Variants in NCOA3 observed in about 807,000 individuals in gnomAD.
The protein encoded by NCOA3 is nuclear receptor coactivator 3, also known as CBP-interacting protein.
In NCOA3, 51 loss-of-function variants were observed where a neutral mutation model predicts 158.8. The observed-to-expected ratio is 0.32, with a 90% CI of 0.26 to 0.41. NCOA3 has a LOEUF of 0.41. Among genes scored for constraint, NCOA3 ranks in the 10% least tolerant of loss-of-function variants. The pLI is 1.00. For missense variants in NCOA3, 1,510 were observed against 1,746.6 expected, an observed-to-expected ratio of 0.86 and a Z score of 2.41; for synonymous variants, 537 against 592.4, an observed-to-expected ratio of 0.91 and a Z score of 1.36.
At chr20:47,631,034 C>G (rs1283051430) in intron 8 of NCOA3, 5 of 152,220 alleles carry the variant, frequency 3.3e-5, no homozygotes, top group Non-Finnish European at 7.3e-5. Context: ...TATTTTGTCA[C>G]AGAAAAGATT....
At chr20:47,505,667 G>A (rs1432735364) in intron 1 of NCOA3, among the ~76,000 whole-genome samples, 1 of 151,986 alleles carries the variant, frequency 6.6e-6, no homozygotes, top group African/African-American at 2.4e-5. Flanking sequence ...AATTAGTATT[G>A]GAAATGTATG....
rs1387775662 is a variant in NCOA3 at position 47,652,571 on chromosome 20, C to T, written c.4112C>T (p.Ala1371Val). ...EMKGWPSGNL[A>V]RNSSFSQQQF... The stretch of plus-strand genomic sequence containing the variant: ...AAGGGCTGGCCATCAGGAAATTTGG[C>T]CAGGAACAGGTAAAGAACAGTGACT... Residue 1371 changes from alanine (A) to valine (V), a missense_variant, in exon 21 of 23, where the codon GCC (alanine) becomes GTC (valine). Ala to Val is a moderately conservative substitution (Grantham distance 64). Transcript: ENST00000371998. 1.9e-6 allele frequency: 3 copies of T among 1,607,314 alleles called. No homozygotes were observed. In the Admixed American group the frequency reaches 5.0e-5, roughly 27 times the overall value.
At position 47,653,550 on chromosome 20, in the gene NCOA3, T is replaced by A; in HGVS notation, c.*133T>A. 2 of 1,063,234 alleles carry A rather than the reference T, an allele frequency of 1.9e-6. No homozygotes were observed. The highest frequency in any genetic ancestry group is 2.8e-6 in the Non-Finnish European group (2 of 710,696). 65.9% of individuals were successfully genotyped at this position (1,063,234 alleles called of 1,614,324 possible). A position where few individuals can be genotyped will look rare whatever the true frequency, so the allele number is the denominator to read the frequency against. On this transcript the variant is annotated 3_prime_UTR_variant, in exon 23 of 23. Transcript: ENST00000371998. Reference sequence around the variant, plus strand: ...AGCTTTGAGCTCCATCAAGGGTATTTTAAGTGATGTCATTTGAGCAGGACT... The same window carrying A: ...AGCTTTGAGCTCCATCAAGGGTATTATAAGTGATGTCATTTGAGCAGGACT...
Position 47,653,562 on chromosome 20 carries a change from A to G in NCOA3, c.*145A>G. The stretch of plus-strand genomic sequence containing the variant: ...CATCAAGGGTATTTTAAGTGATGTC[A>G]TTTGAGCAGGACTGGATTTTAAGCC... On this transcript the variant is annotated 3_prime_UTR_variant, in exon 23 of 23. Coordinates refer to ENST00000371998, the MANE Select transcript of NCOA3 (RefSeq NM_181659.3). 3 of 974,188 alleles carry G rather than the reference A, an allele frequency of 3.1e-6. No homozygotes were observed. Among genetic ancestry groups the G allele is most frequent in the Non-Finnish European group, 3.2e-6 (2 of 634,284 alleles). 60.3% of individuals were successfully genotyped at this position (974,188 alleles called of 1,614,324 possible).
intron 9 of NCOA3, 76 bp from the exon 10 acceptor site, chr20:47,633,972 T>C: frequency 6.5e-7 from 1 of 1,529,024 alleles, no homozygotes; most frequent in Non-Finnish European, 8.9e-7. Flanking sequence ...TTGAAGTATA[T>C]TTCCTCCCTG....
In NCOA3 at chr20:47,544,143, T is replaced by C. The variant is rs185959726; in HGVS notation, c.-98-39040T>C. On this transcript the variant is annotated intron_variant, in intron 1 of 22. Coordinates refer to ENST00000371998, the MANE Select transcript of NCOA3 (RefSeq NM_181659.3). ...AATACTGTTAACTAAGTAGCAGATA[T>C]TGTCAAATTTCCACTCTTGTGTTTT... is the stretch of plus-strand genomic sequence containing the variant. Among the ~76,000 whole-genome samples the C allele has an allele frequency of 5.3e-4, 81 of 152,158 alleles. 1 individual carries two copies. In the South Asian group the frequency reaches 6.6e-3, roughly 12 times the overall value.
intron 1 of NCOA3, among the ~76,000 whole-genome samples, chr20:47,579,353 C>T (rs2085417946): frequency 6.6e-6 from 1 of 152,196 alleles, no homozygotes; most frequent in African/African-American, 2.4e-5. Flanking sequence ...GTTACCTTCT[C>T]AGATGTCTAA....
At chr20:47,598,226 G>A (rs1198519988) in intron 2 of NCOA3, among the ~76,000 whole-genome samples, 5 of 123,080 alleles carry the variant, frequency 4.1e-5, no homozygotes, top group Admixed American at 9.6e-5. Context: ...CAGCCTGGGC[G>A]ATAGGGCGAG....
chr20:47,573,837 C>A (rs576450675), intron 1 of NCOA3, among the ~76,000 whole-genome samples: 7 of 152,316 alleles, frequency 4.6e-5, no homozygotes, highest in Non-Finnish European at 8.8e-5. Context: ...AATTCAGGGA[C>A]TTCTCACAGT....
chr20:47,638,540 G>C (rs12480335), intron 13 of NCOA3, among the ~76,000 whole-genome samples: 2 of 151,630 alleles, frequency 1.3e-5, no homozygotes, highest in Non-Finnish European at 2.9e-5. Flanking sequence ...AATTAAGAGT[G>C]GGGGGGAAAA....
At chr20:47,554,671 A>G (rs1226241157) in intron 1 of NCOA3, among the ~76,000 whole-genome samples, 7 of 152,084 alleles carry the variant, frequency 4.6e-5, no homozygotes, top group African/African-American at 1.7e-4. Context: ...GACCTCTTCA[A>G]GGAGAGCTAC....
At position 47,648,872 on chromosome 20, in the gene NCOA3, C is replaced by T. The variant is rs924404490; in HGVS notation, c.3547-133C>T. On this transcript the variant is annotated intron_variant, in intron 18 of 22. Coordinates refer to ENST00000371998, the MANE Select transcript of NCOA3 (RefSeq NM_181659.3). ...TTTTTGCAGTGTGAAAGTACTGGTT[C>T]AGTTTAGACGTGACTTAGCCAGGTT... The T allele has an allele frequency of 5.2e-5, 31 of 590,788 alleles. No homozygotes were observed. In the African/African-American group the frequency reaches 5.4e-4, roughly 10 times the overall value. 36.6% of individuals were successfully genotyped at this position (590,788 alleles called of 1,614,324 possible).
rs2086854008 is a variant in NCOA3 at position 47,655,228 on chromosome 20, G to A, written c.*1811G>A. ...CCTGTTTTAGTCAGTTGGGAGGAAG[G>A]GAAAAATCAAGTTTAATTCCCTTTA... On this transcript the variant is annotated 3_prime_UTR_variant, in exon 23 of 23. Transcript: ENST00000371998. The A allele has an allele frequency of 6.6e-6, 1 of 152,086 alleles. No individual in the cohort carries two copies. Among genetic ancestry groups the A allele is most frequent in the Non-Finnish European group, 1.5e-5 (1 of 68,018 alleles). 9.4% of individuals were successfully genotyped at this position (152,086 alleles called of 1,614,324 possible). A position where few individuals can be genotyped will look rare whatever the true frequency, so the allele number is the denominator to read the frequency against.
intron 5 of NCOA3, 71 bp downstream of exon 5, chr20:47,625,552 C>A: frequency 8.9e-7 from 1 of 1,127,312 alleles, no homozygotes; most frequent in South Asian, 1.4e-5. Flanking sequence ...TATAAAAAAT[C>A]GATGAAATTT....
intron 1 of NCOA3, among the ~76,000 whole-genome samples, chr20:47,555,323 A>T (rs1044412596): frequency 6.6e-6 from 1 of 152,216 alleles, no homozygotes; most frequent in African/African-American, 2.4e-5. Context: ...AGGCAACATG[A>T]TCTAGAAAAA....
chr20:47,536,288 A>G (rs921142378), intron 1 of NCOA3, among the ~76,000 whole-genome samples: 2 of 152,010 alleles, frequency 1.3e-5, no homozygotes, highest in African/African-American at 4.8e-5. Context: ...AATATGATAA[A>G]ATTTTTTTGT....
chr20:47,639,620 A>C lies in NCOA3; in HGVS notation c.2751A>C (p.Ser917=). 1 of 1,613,876 alleles carries C rather than the reference A, an allele frequency of 6.2e-7. No individual in the cohort carries two copies. Among genetic ancestry groups the C allele is most frequent in the Non-Finnish European group, 8.5e-7 (1 of 1,179,864 alleles). ...RNVTVTQTPS[S]GDWGLPNSKA... ...TGACTGTGACTCAGACTCCTTCCTCAGGAGACTGGGGCTTACCAAACTCAA... is the reference window on the plus strand; with the variant it reads ...TGACTGTGACTCAGACTCCTTCCTCCGGAGACTGGGGCTTACCAAACTCAA... The change falls in exon 15 of 23, where the codon TCA becomes TCC. Residue 917 remains serine, a synonymous_variant. Transcript: ENST00000371998.
intron 2 of NCOA3, among the ~76,000 whole-genome samples, chr20:47,587,675 A>G (rs919794800): frequency 2.0e-5 from 3 of 152,028 alleles, no homozygotes; most frequent in Non-Finnish European, 4.4e-5. Flanking sequence ...TGTATTTTTT[A>G]ATTTGTATTT....
chr20:47,542,015 T>TTG (rs1367431674), intron 1 of NCOA3, among the ~76,000 whole-genome samples: 20 of 111,656 alleles, frequency 1.8e-4, no homozygotes, highest in East Asian at 4.6e-4. Context: ...TAGAGTTTTT[T>TTG]TTTTTTTTTT....
Sources: gnomAD v4.1 joint callset for allele counts (sites outside exome capture counted in the v4.1 genomes callset) on GRCh38, gnomAD v4.1.1 for gene constraint, MANE v1.5 for transcripts, NCBI Gene and HGNC (gene_info 2026-07-23, HGNC 2026-07-21) for gene names.